The following PITPNA variants were observed in gnomAD, a reference collection of about 807,000 sequenced individuals.
PITPNA encodes phosphatidylinositol transfer protein alpha, also known as phosphatidylinositol transfer protein alpha isoform.
In PITPNA, 13 loss-of-function variants were observed where a neutral mutation model predicts 50.3. The observed-to-expected ratio is 0.26, with a 90% CI of 0.17 to 0.41. The LOEUF (loss-of-function observed/expected upper bound fraction) is 0.41, where lower values mean the gene tolerates loss of function less well. Ranked by LOEUF, PITPNA falls within the 10% of genes least tolerant of loss-of-function variation. PITPNA has a pLI of 1.00. For synonymous variants in PITPNA, 120 were observed against 119.6 expected, an observed-to-expected ratio of 1.00 and a Z score of -0.02; for missense variants, 207 against 333.4, an observed-to-expected ratio of 0.62 and a Z score of 2.95.
At position 1,533,953 on chromosome 17, in the gene PITPNA, G is replaced by A. The variant is rs1598406079; in HGVS notation, c.768+146C>T. 6 of 876,954 alleles carry A rather than the reference G, an allele frequency of 6.8e-6. No homozygotes were observed. In the East Asian group the frequency reaches 9.9e-5, roughly 15 times the overall value. 54.3% of individuals were successfully genotyped at this position (876,954 alleles called of 1,614,324 possible). A position where few individuals can be genotyped will look rare whatever the true frequency, so the allele number is the denominator to read the frequency against. ...CTGTTTTCTTCCGTATAGTGCCCAC[G>A]TACTGCCCAGGATACCGTCCCTGTA... On this transcript the variant is annotated intron_variant, in intron 10 of 11. Coordinates refer to ENST00000313486, the MANE Select transcript of PITPNA (RefSeq NM_006224.4).
intron 1 of PITPNA, chr17:1,559,422 G>C (rs950014125): frequency 1.7e-4 from 26 of 152,420 alleles, no homozygotes; most frequent in African/African-American, 6.3e-4. Context: ...TTCTCCAGGT[G>C]CCGTGCATGT....
chr17:1,531,730 A>C (rs1395947283), intron 10 of PITPNA, among the ~76,000 whole-genome samples: 3 of 152,238 alleles, frequency 2.0e-5, no homozygotes, highest in African/African-American at 7.2e-5. Context: ...GTAATTAACA[A>C]AAGCAACAAC....
chr17:1,521,466 T>G, intron 11 of PITPNA, 113 bp downstream of exon 11: 4 of 742,646 alleles, frequency 5.4e-6, no homozygotes, highest in Non-Finnish European at 9.9e-6. Context: ...CAACCATCAT[T>G]ACTAGAGGGA....
In PITPNA at chr17:1,535,512, T is replaced by C; in HGVS notation, c.463A>G (p.Lys155Glu). 6.2e-7 allele frequency: 1 copy of C among 1,611,338 alleles called. No homozygotes were observed. Among genetic ancestry groups the C allele is most frequent in the Middle Eastern group, 1.7e-4 (1 of 6,060 alleles). Residue 155 changes from lysine (K) to glutamate (E), a missense_variant, in exon 8 of 12, where the codon AAG becomes GAG. Physicochemically the swap from Lys to Glu is moderately conservative, Grantham distance 56. Coordinates refer to ENST00000313486, the MANE Select transcript of PITPNA (RefSeq NM_006224.4). ...DRSQVLSKDY[K>E]AEEDPAKFKS... ...AATTTTGCTGGGTCTTCCTCTGCCTTGTAATCCTGAGAGAAATTGTGGAAT... is the reference window on the plus strand; with the variant it reads ...AATTTTGCTGGGTCTTCCTCTGCCTCGTAATCCTGAGAGAAATTGTGGAAT...
chr17:1,559,323 G>C (rs772630251), intron 1 of PITPNA, among the ~76,000 whole-genome samples: 93 of 152,342 alleles, frequency 6.1e-4, no homozygotes, highest in South Asian at 1.9e-3. Context: ...AATTGCTGGA[G>C]ATGCCACCAG....
intron 10 of PITPNA, among the ~76,000 whole-genome samples, chr17:1,533,425 G>A (rs954597493): frequency 6.6e-6 from 1 of 152,130 alleles, no homozygotes; most frequent in African/African-American, 2.4e-5. Context: ...ATGGGGTATC[G>A]TGAAGACTGC....
intron 2 of PITPNA, among the ~76,000 whole-genome samples, chr17:1,556,377 T>G (rs2075734970): frequency 6.6e-6 from 1 of 152,174 alleles, no homozygotes; most frequent in African/African-American, 2.4e-5. Flanking sequence ...TCCTCAATGC[T>G]GCAGAAAAAC....
At chr17:1,528,854 G>A (rs1435724434) in intron 10 of PITPNA, among the ~76,000 whole-genome samples, 3 of 152,006 alleles carry the variant, frequency 2.0e-5, no homozygotes, top group Non-Finnish European at 4.4e-5. Flanking sequence ...GACTCCCTGA[G>A]TGGCTGGGCA....
intron 10 of PITPNA, among the ~76,000 whole-genome samples, chr17:1,527,444 T>C (rs1158194355): frequency 6.6e-6 from 1 of 151,828 alleles, no homozygotes; most frequent in Admixed American, 6.6e-5. Context: ...GGTTTCTCCA[T>C]GTTACTCAGG....
At chr17:1,560,897 A>G (rs751489053) in intron 1 of PITPNA, among the ~76,000 whole-genome samples, 2 of 152,148 alleles carry the variant, frequency 1.3e-5, no homozygotes, top group African/African-American at 4.8e-5. Flanking sequence ...TGTGGGTCTC[A>G]GCTCCCTCTG....
intron 10 of PITPNA, among the ~76,000 whole-genome samples, chr17:1,529,859 G>GAAAA (rs576234626): frequency 0.11 from 13,186 of 125,578 alleles, 733 homozygotes; most frequent in East Asian, 0.15. Flanking sequence ...TGTTTCAAAA[G>GAAAA]AAAAAAAAAA....
chr17:1,560,747 T>C (rs1383322410), intron 1 of PITPNA, among the ~76,000 whole-genome samples: 1 of 152,214 alleles, frequency 6.6e-6, no homozygotes, highest in African/African-American at 2.4e-5. Flanking sequence ...CGTTCTCCTG[T>C]TGGCATCGTA....
chr17:1,536,445 G>A (rs989995282), intron 7 of PITPNA, among the ~76,000 whole-genome samples: 3 of 150,290 alleles, frequency 2.0e-5, no homozygotes, highest in Non-Finnish European at 4.5e-5. Flanking sequence ...CCGCCACCAT[G>A]CCCGGCTAAT....
Position 1,518,522 on chromosome 17 carries a change from G to C in PITPNA, c.*2039C>G, listed in dbSNP as rs908985986. ...GGACATCCTCCTTTATGTTTATGTG[G>C]GCTGCAATTCCAGATCCAGGCTGAC... On this transcript the variant is annotated 3_prime_UTR_variant, in exon 12 of 12. Transcript: ENST00000313486. 1.3e-5 allele frequency: 2 copies of C among 152,644 alleles called. No individual in the cohort carries two copies. The highest frequency in any genetic ancestry group is 2.9e-5 in the Non-Finnish European group (2 of 68,054). 9.5% of individuals were successfully genotyped at this position (152,644 alleles called of 1,614,324 possible).
At position 1,562,466 on chromosome 17, in the gene PITPNA, C is replaced by T. The variant is rs1188267629; in HGVS notation, c.20+75G>A. On this transcript the variant is annotated intron_variant, in intron 1 of 11. Transcript: ENST00000313486. This position sits in a 1 kb window ranked among gnomAD's most constrained non-coding sequence, Gnocchi z 6.4. ...CTCCGTCCATCCGGGCCCTGCGTCC[C>T]TCGCCGCGCCGTCGCCCCGGCGGCC... is the stretch of plus-strand genomic sequence containing the variant. 3 of 1,275,270 alleles carry T rather than the reference C, an allele frequency of 2.4e-6. No homozygotes were observed. Among genetic ancestry groups the T allele is most frequent in the East Asian group, 6.5e-5 (2 of 30,878 alleles). 79.0% of individuals were successfully genotyped at this position (1,275,270 alleles called of 1,614,324 possible). A position where few individuals can be genotyped will look rare whatever the true frequency, so the allele number is the denominator to read the frequency against.
chr17:1,535,353 C>T, intron 8 of PITPNA, 61 bp from the exon 9 acceptor site: 1 of 1,497,416 alleles, frequency 6.7e-7, no homozygotes, highest in Admixed American at 1.7e-5. Flanking sequence ...AGGCCGTCCC[C>T]AGCTCACCCC....
intron 4 of PITPNA, 93 bp from the exon 5 acceptor site, chr17:1,543,120 G>A: frequency 2.0e-6 from 2 of 983,642 alleles, no homozygotes; most frequent in South Asian, 1.4e-5. Flanking sequence ...GAGGACGAAT[G>A]GCAGAGTGTA....
At chr17:1,536,063 G>A (rs2075613959) in intron 7 of PITPNA, among the ~76,000 whole-genome samples, 1 of 152,118 alleles carries the variant, frequency 6.6e-6, no homozygotes, top group African/African-American at 2.4e-5. Context: ...AATGTTCAGT[G>A]TATGGAACCT....
intron 10 of PITPNA, among the ~76,000 whole-genome samples, chr17:1,528,143 C>G (rs2075559087): frequency 6.6e-6 from 1 of 152,194 alleles, no homozygotes; most frequent in Non-Finnish European, 1.5e-5. Flanking sequence ...ATACTCCAGC[C>G]TAGGCAACAG....
Sources: gnomAD v4.1 joint callset for allele counts (sites outside exome capture counted in the v4.1 genomes callset) on GRCh38, gnomAD v4.1.1 for gene constraint, Gnocchi (gnomAD v3.1) non-coding constraint, MANE v1.5 for transcripts, NCBI Gene and HGNC (gene_info 2026-07-23, HGNC 2026-07-21) for gene names.